Variants in ADGRA1 observed in about 807,000 individuals in gnomAD.
The protein encoded by ADGRA1 is adhesion G protein-coupled receptor A1.
In ADGRA1, 12 loss-of-function variants were observed where a neutral mutation model predicts 21.3. The ratio of observed to expected loss-of-function variants is 0.56; its 90% CI spans 0.36 to 0.91. The LOEUF (loss-of-function observed/expected upper bound fraction) is 0.91, where lower values mean the gene tolerates loss of function less well. ADGRA1 is among the 40% of genes least tolerant of loss of function. The pLI is 0.01. For synonymous variants in ADGRA1, 385 were observed against 368.8 expected, an observed-to-expected ratio of 1.04 and a Z score of -0.50; for missense variants, 790 against 805.6, an observed-to-expected ratio of 0.98 and a Z score of 0.23.
intron 5 of ADGRA1, among the ~76,000 whole-genome samples, chr10:133,105,316 C>G (rs1322431479): frequency 1.3e-5 from 2 of 152,216 alleles, no homozygotes; most frequent in African/African-American, 4.8e-5. Context: ...GGCCGAGTCT[C>G]AGCCGCCGTG....
intron 3 of ADGRA1, 46 bp downstream of exon 3, chr10:133,097,147 GC>G (rs757589063): frequency 1.9e-6 from 3 of 1,596,848 alleles, no homozygotes; most frequent in Non-Finnish European, 2.5e-6. Flanking sequence ...CAAGAAACCT[GC>G]TTTTACCTTC....
intron 5 of ADGRA1, 123 bp downstream of exon 5, chr10:133,102,965 G>T: frequency 9.2e-7 from 1 of 1,086,164 alleles, no homozygotes; most frequent in South Asian, 1.6e-5. Context: ...CGGTCCATGG[G>T]GGAGGGTCAG....
chr10:133,105,864 G>A (rs1851885747), intron 5 of ADGRA1, among the ~76,000 whole-genome samples: 1 of 152,182 alleles, frequency 6.6e-6, no homozygotes, highest in South Asian at 2.1e-4. Context: ...CAGCTGCAGG[G>A]GCCAAGGTCA....
At position 133,129,396 on chromosome 10, in the gene ADGRA1, G is replaced by C; in HGVS notation, c.1568G>C (p.Gly523Ala). Reference protein sequence around the residue: ...MLRRTQSLPFGGPSQNGLPKG... With the variant: ...MLRRTQSLPFAGPSQNGLPKG... ...CGGAGGACACAGTCCCTGCCCTTTG[G>C]TGGCCCCAGCCAGAACGGGCTGCCC... is the stretch of plus-strand genomic sequence containing the variant. The change falls in exon 7 of 7, where the codon GGT (glycine) becomes GCT (alanine). Residue 523 changes from glycine to alanine, a missense_variant. Around this residue, in one of 3 missense-constraint regions of ADGRA1, gnomAD observed 391 missense variants for 351.5 expected, o/e 1.11. Transcript: ENST00000392607. 3 of 1,606,026 alleles carry C rather than the reference G, an allele frequency of 1.9e-6. No individual in the cohort carries two copies. The highest frequency in any genetic ancestry group is 2.5e-6 in the Non-Finnish European group (3 of 1,178,926).
In ADGRA1 at chr10:133,119,012, T is replaced by C. The variant is rs534974017; in HGVS notation, c.402-8221T>C. ...CACACTTGCACTGCACACGTGCACA[T>C]TGAGGCACTTACATGCACTCACACC... On this transcript the variant is annotated intron_variant, in intron 5 of 6. Coordinates refer to ENST00000392607, the MANE Select transcript of ADGRA1 (RefSeq NM_001083909.3). Among the ~76,000 whole-genome samples, 823 of 149,576 alleles carry C rather than the reference T, an allele frequency of 5.5e-3. 11 individuals carry two copies. The highest frequency in any genetic ancestry group is 0.019 in the African/African-American group (766 of 40,518).
intron 5 of ADGRA1, among the ~76,000 whole-genome samples, chr10:133,117,655 G>A (rs995678279): frequency 6.6e-6 from 1 of 152,264 alleles, no homozygotes; most frequent in Non-Finnish European, 1.5e-5. Context: ...AATGGGCCTG[G>A]AGAAGGGGAT....
In ADGRA1 at chr10:133,087,966, G is replaced by A. The variant is rs928068989; in HGVS notation, c.-375G>A. 10 of 984,614 alleles carry A rather than the reference G, an allele frequency of 1.0e-5. No individual in the cohort carries two copies. Among genetic ancestry groups the A allele is most frequent in the African/African-American group, 1.8e-5 (1 of 57,108 alleles). The allele number at this position is 984,614 out of a possible 1,614,324, so 61.0% of individuals were successfully genotyped here. On this transcript the variant is annotated 5_prime_UTR_variant, in exon 1 of 7. Transcript: ENST00000392607. Reference sequence around the variant, plus strand: ...GCTGGCCGGGCTGGGCCGCTCGTGCGCGGGGCTGTGACTCACCGGCCGGCG... The same window carrying A: ...GCTGGCCGGGCTGGGCCGCTCGTGCACGGGGCTGTGACTCACCGGCCGGCG...
chr10:133,095,131 G>A (rs1223001182), intron 2 of ADGRA1, among the ~76,000 whole-genome samples: 3 of 152,132 alleles, frequency 2.0e-5, no homozygotes, highest in Non-Finnish European at 1.5e-5. Flanking sequence ...GCTGTCCCTG[G>A]GCTGATCTCT....
intron 5 of ADGRA1, among the ~76,000 whole-genome samples, chr10:133,108,736 A>C (rs989871771): frequency 6.6e-6 from 1 of 152,014 alleles, no homozygotes; most frequent in Non-Finnish European, 1.5e-5. Context: ...CAGCCTCCTG[A>C]TGCCTCCCTC....
At chr10:133,095,759 G>T (rs764117598) in intron 2 of ADGRA1, 59 of 1,598,576 alleles carry the variant, frequency 3.7e-5, no homozygotes, top group Non-Finnish European at 4.2e-5. Context: ...CGGGCCCGCT[G>T]GCTGCCTGCA....
intron 5 of ADGRA1, among the ~76,000 whole-genome samples, chr10:133,110,339 C>T (rs1011132990): frequency 2.6e-5 from 4 of 152,276 alleles, no homozygotes; most frequent in Admixed American, 6.5e-5. Context: ...TACGGAGCCT[C>T]ACACTCTGGC....
At chr10:133,123,468 A>G (rs1384203113) in intron 5 of ADGRA1, among the ~76,000 whole-genome samples, 1 of 151,822 alleles carries the variant, frequency 6.6e-6, no homozygotes, top group Non-Finnish European at 1.5e-5. Context: ...CCACATCCAC[A>G]CCATGTCTCC....
intron 2 of ADGRA1, among the ~76,000 whole-genome samples, chr10:133,096,703 A>T (rs1265820711): frequency 6.6e-6 from 1 of 152,240 alleles, no homozygotes; most frequent in Admixed American, 6.5e-5. Context: ...CCTCAGAGCC[A>T]CACAAGGATG....
chr10:133,102,055 G>A (rs1851804860), intron 4 of ADGRA1, among the ~76,000 whole-genome samples: 1 of 152,244 alleles, frequency 6.6e-6, no homozygotes, highest in Non-Finnish European at 1.5e-5. Flanking sequence ...ATTTCAAAAT[G>A]TCAGGTTATT....
chr10:133,107,259 G>A (rs540709568), intron 5 of ADGRA1, among the ~76,000 whole-genome samples: 46 of 152,246 alleles, frequency 3.0e-4, no homozygotes, highest in African/African-American at 9.4e-4. Context: ...AGTATTTCCT[G>A]TATATATAAT....
rs879499902 is a variant in ADGRA1, at chr10:133,101,440, C to G, written c.256-1257C>G. On this transcript the variant is annotated intron_variant, in intron 4 of 6. Coordinates refer to ENST00000392607, the MANE Select transcript of ADGRA1 (RefSeq NM_001083909.3). ...GGGGCAGCCGTGCAGCACCGTGGGACGCTGGTGGCTTCCCTGCAGCCTCTC... is the reference window on the plus strand; with the variant it reads ...GGGGCAGCCGTGCAGCACCGTGGGAGGCTGGTGGCTTCCCTGCAGCCTCTC... Among the ~76,000 whole-genome samples the G allele has an allele frequency of 2.6e-5, 4 of 152,340 alleles. No homozygotes were observed. In the South Asian group the frequency reaches 8.3e-4, roughly 32 times the overall value.
rs571012610 is a variant in ADGRA1 at position 133,096,915 on chromosome 10, G to A, written c.4-59G>A. ...AGCCCCAAGGGTAGGCTCAGGCGAC[G>A]GCGCCGCCCACACAGACCCACCAGC... On this transcript the variant is annotated intron_variant, in intron 2 of 6. Transcript: ENST00000392607. 6.8e-5 allele frequency: 106 copies of A among 1,566,478 alleles called. No homozygotes were observed. In the Admixed American group the frequency reaches 1.3e-3, roughly 20 times the overall value.
At chr10:133,104,075 G>C (rs765785098) in intron 5 of ADGRA1, among the ~76,000 whole-genome samples, 1 of 152,238 alleles carries the variant, frequency 6.6e-6, no homozygotes, top group African/African-American at 2.4e-5. Context: ...AGGGCTGTCC[G>C]GCACTGTCCC....
At chr10:133,120,091 G>C (rs1460034523) in intron 5 of ADGRA1, among the ~76,000 whole-genome samples, 3 of 152,198 alleles carry the variant, frequency 2.0e-5, no homozygotes, top group Non-Finnish European at 4.4e-5. Context: ...CCAGTAGAAG[G>C]CTTTCATCTG....
Sources: allele counts gnomAD v4.1 joint callset (sites outside exome capture counted in the v4.1 genomes callset), GRCh38; gene constraint gnomAD v4.1.1; regional missense constraint gnomAD v4.1.1; transcripts MANE v1.5; gene names NCBI Gene and HGNC (gene_info 2026-07-23, HGNC 2026-07-21).